Variants in TTBK2 observed in about 807,000 individuals in gnomAD.
The protein encoded by TTBK2 is tau-tubulin kinase 2.
TTBK2 carries 28 observed loss-of-function variants against 110.8 expected under a neutral mutation model. The observed-to-expected ratio is 0.25, with a 90% CI of 0.19 to 0.35. TTBK2 has a LOEUF of 0.35. Among genes scored for constraint, TTBK2 ranks in the 10% least tolerant of loss-of-function variants. The pLI, the probability that TTBK2 is intolerant of heterozygous loss-of-function variation, is 1.00. For synonymous variants in TTBK2, 532 were observed against 527.3 expected (o/e 1.01, Z -0.12); for missense variants, 1,369 against 1,500.3 (o/e 0.91, Z 1.45).
At chr15:42,899,729 C>G (rs1157980755) in intron 1 of TTBK2, among the ~76,000 whole-genome samples, 1 of 150,810 alleles carries the variant, frequency 6.6e-6, no homozygotes. Flanking sequence ...CAGAGCAAGA[C>G]TCCATACAAA....
Position 42,863,948 on chromosome 15 carries a change from C to T in TTBK2, c.217+8663G>A, listed in dbSNP as rs193064117. ...AAATTAACTCAAGATGAATTAAAGA[C>T]TTAAATGTAAGCCTTCAAAGTAAAA... On this transcript the variant is annotated intron_variant, in intron 3 of 14. Coordinates refer to ENST00000267890, the MANE Select transcript of TTBK2 (RefSeq NM_173500.4). 3.4e-4 allele frequency among the ~76,000 whole-genome samples: 52 copies of T among 152,288 alleles called. No homozygotes were observed. The East Asian group carries it at 0.01, about 29-fold the overall frequency.
chr15:42,856,120 A>C (rs909805640), intron 3 of TTBK2, among the ~76,000 whole-genome samples: 2 of 152,240 alleles, frequency 1.3e-5, no homozygotes, highest in African/African-American at 4.8e-5. Context: ...GAATAATTCC[A>C]GTTAAGGAAT....
chr15:42,874,565 C>T (rs1366887168), intron 2 of TTBK2, among the ~76,000 whole-genome samples: 1 of 151,916 alleles, frequency 6.6e-6, no homozygotes, highest in Non-Finnish European at 1.5e-5. Context: ...GATCCACCCA[C>T]CTCTGCCTCC....
intron 13 of TTBK2, among the ~76,000 whole-genome samples, chr15:42,763,174 A>G (rs1348202620): frequency 5.7e-4 from 9 of 15,830 alleles, no homozygotes; most frequent in African/African-American, 2.2e-3. Flanking sequence ...ATATATATAT[A>G]TATATATATA....
chr15:42,806,541 A>T (rs966636899), intron 9 of TTBK2, among the ~76,000 whole-genome samples: 1 of 152,178 alleles, frequency 6.6e-6, no homozygotes, highest in Admixed American at 6.6e-5. Flanking sequence ...GACTCTTTCC[A>T]ACCTCACCTC....
chr15:42,759,312 C>T (rs2061990405), intron 13 of TTBK2, among the ~76,000 whole-genome samples: 1 of 152,226 alleles, frequency 6.6e-6, no homozygotes, highest in Non-Finnish European at 1.5e-5. Context: ...GTGTATTTGC[C>T]AGCACTCAGG....
At chr15:42,763,098 ATATACG>A (rs1184829421) in intron 13 of TTBK2, among the ~76,000 whole-genome samples, 3 of 121,906 alleles carry the variant, frequency 2.5e-5, no homozygotes, top group African/African-American at 7.2e-5. Context: ...ATATATATAT[ATATACG>A]TATATATATA....
intron 6 of TTBK2, among the ~76,000 whole-genome samples, chr15:42,823,724 AT>A (rs1416069568): frequency 6.8e-6 from 1 of 146,820 alleles, no homozygotes; most frequent in Admixed American, 6.9e-5. Context: ...CCTAAACATT[AT>A]TTTTTTTGTG....
intron 9 of TTBK2, among the ~76,000 whole-genome samples, chr15:42,806,816 G>C (rs1260994413): frequency 7.3e-6 from 1 of 137,584 alleles, no homozygotes; most frequent in Non-Finnish European, 1.6e-5. Context: ...ATTTTTTTGT[G>C]ATTTTTTTTT....
chr15:42,815,913 AATAT>A (rs1261885538), intron 7 of TTBK2, among the ~76,000 whole-genome samples: 5 of 100,808 alleles, frequency 5.0e-5, no homozygotes, highest in Non-Finnish European at 8.7e-5. Context: ...TATATTTAAA[AATAT>A]ATATATATTT....
Position 42,746,159 on chromosome 15 carries a change from C to T in TTBK2, c.3371G>A (p.Ser1124Asn). 6.2e-7 allele frequency: 1 copy of T among 1,614,136 alleles called. No individual in the cohort carries two copies. ...TCCTGGACTCTTGCACTGAGTAGTGCTCCGGGGTTTCTGAGATCCATTTTG... is the reference window on the plus strand; with the variant it reads ...TCCTGGACTCTTGCACTGAGTAGTGTTCCGGGGTTTCTGAGATCCATTTTG... ...ILQNGSQKPR[S>N]TTQCKSPGSP... The change falls in exon 15 of 15, where the codon AGC becomes AAC. Residue 1124 changes from serine (S) to asparagine (N), a missense_variant. Ser to Asn is a conservative substitution (Grantham distance 46). Transcript: ENST00000267890.
rs572432011 is a variant in TTBK2, at chr15:42,820,888, TA to T, written c.538-3792del. ...AGCTGGGCATGGTGGCACACACCTATAGCCCCAGCTACCAGCTACTTGGGAG... is the reference window on the plus strand; with the variant it reads ...AGCTGGGCATGGTGGCACACACCTATGCCCCAGCTACCAGCTACTTGGGAG... On this transcript the variant is annotated intron_variant, in intron 6 of 14. Coordinates refer to ENST00000267890, the MANE Select transcript of TTBK2 (RefSeq NM_173500.4). 1.9e-3 allele frequency among the ~76,000 whole-genome samples: 288 copies of T among 152,164 alleles called. 1 individual carries two copies. Among genetic ancestry groups the T allele is most frequent in the African/African-American group, 6.7e-3 (279 of 41,508 alleles).
chr15:42,912,425 G>C (rs2030818130), intron 1 of TTBK2, among the ~76,000 whole-genome samples: 1 of 152,168 alleles, frequency 6.6e-6, no homozygotes, highest in Non-Finnish European at 1.5e-5. Flanking sequence ...TCTACTCTTT[G>C]GCCAGGCCTG....
chr15:42,900,346 T>A (rs1244421303), intron 1 of TTBK2, among the ~76,000 whole-genome samples: 1 of 152,194 alleles, frequency 6.6e-6, no homozygotes, highest in Non-Finnish European at 1.5e-5. Flanking sequence ...ATATGTATGA[T>A]CCCATTTCTA....
intron 1 of TTBK2, among the ~76,000 whole-genome samples, chr15:42,918,309 C>T (rs902517336): frequency 8.6e-5 from 13 of 152,014 alleles, no homozygotes; most frequent in Admixed American, 8.5e-4. Context: ...TCAAGCGATC[C>T]TCCTGCCTTG....
chr15:42,771,906 G>A (rs1017940537), intron 13 of TTBK2, among the ~76,000 whole-genome samples: 10 of 152,118 alleles, frequency 6.6e-5, no homozygotes, highest in Admixed American at 2.0e-4. Context: ...GATTCTCCCT[G>A]TCCTGAGGCT....
intron 3 of TTBK2, among the ~76,000 whole-genome samples, chr15:42,840,916 C>T (rs1893194689): frequency 6.6e-6 from 1 of 152,122 alleles, no homozygotes; most frequent in Non-Finnish European, 1.5e-5. Context: ...ACCTGAGTTC[C>T]ATCTGAGAAA....
intron 13 of TTBK2, among the ~76,000 whole-genome samples, chr15:42,766,445 G>GAAAAAAAAAAAAAAAAAAA (rs1424460257): frequency 1.1e-3 from 16 of 15,148 alleles, no homozygotes; most frequent in African/African-American, 1.6e-3. Flanking sequence ...CGAATGGAAA[G>GAAAAAAAAAAAAAAAAAAA]CAAAAAAAAA....
rs1004840292 is a variant in TTBK2 at position 42,745,483 on chromosome 15, T to C, written c.*312A>G. On this transcript the variant is annotated 3_prime_UTR_variant, in exon 15 of 15. Coordinates refer to ENST00000267890, the MANE Select transcript of TTBK2 (RefSeq NM_173500.4). ...AGGCAACCCCCCTAAAATTCCATTC[T>C]ATCTCCTATCCTCAACTCTTTTGTT... is the stretch of plus-strand genomic sequence containing the variant. 5.6e-6 allele frequency: 2 copies of C among 355,218 alleles called. No individual in the cohort carries two copies. The highest frequency in any genetic ancestry group is 8.9e-4 in the Middle Eastern group (1 of 1,122). 22.0% of individuals were successfully genotyped at this position (355,218 alleles called of 1,614,324 possible). A position where few individuals can be genotyped will look rare whatever the true frequency, so the allele number is the denominator to read the frequency against.
Sources: gnomAD v4.1 joint callset for allele counts (sites outside exome capture counted in the v4.1 genomes callset) on GRCh38, gnomAD v4.1.1 for gene constraint, MANE v1.5 for transcripts, NCBI Gene and HGNC (gene_info 2026-07-23, HGNC 2026-07-21) for gene names.